RBFOX1: variants seen among roughly 807,000 people sequenced by gnomAD.
RBFOX1 encodes RNA binding protein fox-1 homolog 1.
In RBFOX1, 8 loss-of-function variants were observed where a neutral mutation model predicts 57.7. The ratio of observed to expected loss-of-function variants is 0.14; its 90% CI spans 0.08 to 0.25. RBFOX1 has a LOEUF of 0.25. RBFOX1 is among the 10% of genes least tolerant of loss of function. The probability of loss-of-function intolerance (pLI) is 1.00; values close to 1 mark genes in which losing one functional copy is unlikely to be tolerated. For synonymous variants in RBFOX1, 326 were observed against 222.4 expected (o/e 1.47, Z -4.15); for missense variants, 611 against 548.5 (o/e 1.11, Z -1.14).
chr16:6,947,926 C>CCA (rs2079892062), intron 3 of RBFOX1, among the ~76,000 whole-genome samples: 1 of 151,930 alleles, frequency 6.6e-6, no homozygotes, highest in Non-Finnish European at 1.5e-5. Context: ...ACAGGCTCAA[C>CCA]CCACCATGCC....
intron 4 of RBFOX1, among the ~76,000 whole-genome samples, chr16:7,360,793 C>T (rs2097305837): frequency 6.6e-6 from 1 of 152,192 alleles, no homozygotes; most frequent in Non-Finnish European, 1.5e-5. Flanking sequence ...TTCACTTTGC[C>T]TTTCTTCACA....
intron 3 of RBFOX1, among the ~76,000 whole-genome samples, chr16:6,821,092 T>C (rs1337761514): frequency 6.6e-6 from 1 of 152,176 alleles, no homozygotes; most frequent in East Asian, 1.9e-4. Context: ...AATGTTAAAG[T>C]ATCAAGCCAC....
intron 4 of RBFOX1, among the ~76,000 whole-genome samples, chr16:5,910,753 T>A (rs949116279): frequency 2.0e-5 from 3 of 152,218 alleles, no homozygotes; most frequent in African/African-American, 4.8e-5. Context: ...AATCTGCATC[T>A]CTGCCTGAAA....
At chr16:6,299,898 A>G (rs2078608786) in intron 1 of RBFOX1, among the ~76,000 whole-genome samples, 1 of 152,210 alleles carries the variant, frequency 6.6e-6, no homozygotes, top group Admixed American at 6.5e-5. Flanking sequence ...TCGTTTTAAC[A>G]CAATATACCT....
intron 2 of RBFOX1, among the ~76,000 whole-genome samples, chr16:6,485,494 A>T (rs546025379): frequency 6.6e-6 from 1 of 152,026 alleles, no homozygotes; most frequent in Admixed American, 6.5e-5. Context: ...TCTTTGCTAC[A>T]CTTTAACATA....
At chr16:5,549,996 T>A (rs1459313050) in intron 2 of RBFOX1, among the ~76,000 whole-genome samples, 1 of 152,236 alleles carries the variant, frequency 6.6e-6, no homozygotes, top group African/African-American at 2.4e-5. Context: ...TATTGCTCAA[T>A]GTCTCAGCCC....
chr16:6,506,572 C>T (rs574904956), intron 2 of RBFOX1, among the ~76,000 whole-genome samples: 1 of 150,096 alleles, frequency 6.7e-6, no homozygotes, highest in African/African-American at 2.5e-5. Context: ...TCTAGACTCA[C>T]CTTTGATGTT....
intron 4 of RBFOX1, among the ~76,000 whole-genome samples, chr16:7,250,137 G>T (rs747893847): frequency 2.0e-5 from 3 of 152,004 alleles, no homozygotes; most frequent in East Asian, 1.9e-4. Context: ...TGTCTTTCAA[G>T]CCTTTTATTG....
chr16:7,481,790 C>T (rs766125616), intron 4 of RBFOX1, among the ~76,000 whole-genome samples: 1 of 152,186 alleles, frequency 6.6e-6, no homozygotes, highest in Non-Finnish European at 1.5e-5. Context: ...CACCCCTCAC[C>T]TACTCAACAT....
intron 3 of RBFOX1, among the ~76,000 whole-genome samples, chr16:6,881,689 C>A (rs1310117743): frequency 1.3e-5 from 2 of 152,182 alleles, no homozygotes; most frequent in African/African-American, 2.4e-5. Context: ...GTTAAGACTT[C>A]AACGTCTTAA....
chr16:5,878,333 C>T (rs548640337), intron 4 of RBFOX1, among the ~76,000 whole-genome samples: 2 of 152,164 alleles, frequency 1.3e-5, no homozygotes, highest in East Asian at 1.9e-4. Context: ...ATATAAATTA[C>T]CTCTTTTATT....
chr16:5,365,814 A>G (rs971376266), intron 1 of RBFOX1: 2 of 517,128 alleles, frequency 3.9e-6, no homozygotes, highest in African/African-American at 1.9e-5. Flanking sequence ...TTCAGTGGAC[A>G]TGGACATGAG....
chr16:5,555,638 C>T (rs1009149064), intron 2 of RBFOX1, among the ~76,000 whole-genome samples: 15 of 152,300 alleles, frequency 9.8e-5, no homozygotes, highest in Non-Finnish European at 8.8e-5. Flanking sequence ...TAATCTGGAA[C>T]ATGTGCCCTA....
chr16:6,372,479 A>G (rs557744663), intron 2 of RBFOX1, among the ~76,000 whole-genome samples: 955 of 82,922 alleles, frequency 0.012, no homozygotes, highest in Middle Eastern at 0.038. Context: ...GTATTGTTGG[A>G]TGGAATGGAG....
chr16:6,435,760 CAATT>C lies in RBFOX1; in HGVS notation c.-64+118704_-64+118707del, dbSNP rs563946725. On this transcript the variant is annotated intron_variant, in intron 2 of 15. Transcript: ENST00000550418. ...GCAAGATTTTATGGCACCTGGGACA[CAATT>C]GATTGGGGTCTAGATTGTTCATTTT... 4.1e-4 allele frequency among the ~76,000 whole-genome samples: 62 copies of C among 152,250 alleles called. No homozygotes were observed. The South Asian group carries it at 0.013, about 31-fold the overall frequency.
intron 3 of RBFOX1, among the ~76,000 whole-genome samples, chr16:5,850,941 G>A (rs1050410016): frequency 3.9e-5 from 6 of 152,172 alleles, no homozygotes; most frequent in Admixed American, 1.3e-4. Flanking sequence ...AGATGGCATC[G>A]GGCATATCCT....
rs535463616 is a variant in RBFOX1 at position 5,653,385 on chromosome 16, G to C, written c.318+54424G>C. On this transcript the variant is annotated intron_variant, in intron 3 of 19. Coordinates refer to the RBFOX1 transcript ENST00000641259. ...GGAGCCATGTGCTGGGCCTATATGC[G>C]GAAGGTGGGGTGCTGAGCCGTGTGC... Among the ~76,000 whole-genome samples the C allele has an allele frequency of 1.4e-3, 210 of 148,786 alleles. 4 individuals are homozygous for C. The South Asian group carries it at 0.043, about 30-fold the overall frequency.
intron 3 of RBFOX1, among the ~76,000 whole-genome samples, chr16:5,637,302 C>G (rs1052508346): frequency 6.6e-6 from 1 of 152,198 alleles, no homozygotes; most frequent in Non-Finnish European, 1.5e-5. Context: ...AGAGCAAACC[C>G]TGCCCCCTAC....
chr16:5,860,234 C>T (rs2057178577), intron 3 of RBFOX1, among the ~76,000 whole-genome samples: 1 of 152,164 alleles, frequency 6.6e-6, no homozygotes, highest in Non-Finnish European at 1.5e-5. Context: ...AGACGCATGC[C>T]ACCATGCCAA....
Sources: gnomAD v4.1 joint callset for allele counts (sites outside exome capture counted in the v4.1 genomes callset) on GRCh38, gnomAD v4.1.1 for gene constraint, MANE v1.5 for transcripts, NCBI Gene and HGNC (gene_info 2026-07-23, HGNC 2026-07-21) for gene names.